Variants in P2RX7 observed in about 807,000 individuals in gnomAD.
The protein encoded by P2RX7 is P2X purinoceptor 7.
A neutral mutation model predicts 71.6 loss-of-function variants in P2RX7; 62 were observed. That is an observed-to-expected ratio of 0.87 (90% CI 0.71 to 1.07). The LOEUF is 1.07. P2RX7 is among the 50% of genes least tolerant of loss of function. P2RX7 has a pLI of 0.00. For synonymous variants in P2RX7, 299 were observed against 283.3 expected (o/e 1.06, Z -0.56); for missense variants, 686 against 748.5 (o/e 0.92, Z 0.97).
Position 121,154,447 on chromosome 12 carries a change from C to T in P2RX7, c.126-338C>T, listed in dbSNP as rs551257611. Among the ~76,000 whole-genome samples the T allele has an allele frequency of 5.3e-5, 8 of 152,172 alleles. No homozygotes were observed. The highest frequency in any genetic ancestry group is 4.2e-4 in the South Asian group (2 of 4,818). On this transcript the variant is annotated intron_variant, in intron 1 of 12. Transcript: ENST00000328963. This position sits in a 1 kb window ranked among gnomAD's most constrained non-coding sequence, Gnocchi z 4.2. ...GACAAAGCTGGCGAACCCACCGGGG[C>T]GAGACTTTATGACTTGAGAAGCTGT...
chr12:121,152,571 G>A (rs1414642459), intron 1 of P2RX7, among the ~76,000 whole-genome samples: 3 of 152,182 alleles, frequency 2.0e-5, no homozygotes, highest in African/African-American at 7.2e-5. Flanking sequence ...CCAGGCTGGA[G>A]TGCAGTGGCG....
At position 121,184,351 on chromosome 12, in the gene P2RX7, T is replaced by C. The variant is rs753919667; in HGVS notation, c.1337T>C (p.Leu446Pro). ...GATTTGTCCAGGCTGCCCCTGGCCCTCCATGACACACCCCCGATTCCTGGA... is the reference window on the plus strand; with the variant it reads ...GATTTGTCCAGGCTGCCCCTGGCCCCCCATGACACACCCCCGATTCCTGGA... The part of the protein sequence containing the change: ...FTDLSRLPLA[L>P]HDTPPIPGQP... Residue 446 changes from leucine to proline, a missense_variant, in exon 13 of 13, where the codon CTC (leucine) becomes CCC (proline). Coordinates refer to ENST00000328963, the MANE Select transcript of P2RX7 (RefSeq NM_002562.6). 6.2e-7 allele frequency: 1 copy of C among 1,613,960 alleles called. No individual in the cohort carries two copies. The highest frequency in any genetic ancestry group is 8.5e-7 in the Non-Finnish European group (1 of 1,179,974).
intron 1 of P2RX7, among the ~76,000 whole-genome samples, chr12:121,153,721 C>T (rs547077746): frequency 2.0e-5 from 3 of 152,106 alleles, no homozygotes; most frequent in African/African-American, 7.2e-5. Context: ...GGTGCGGTGG[C>T]GCATGCCGGT....
At chr12:121,152,086 T>C (rs537905371) in intron 1 of P2RX7, among the ~76,000 whole-genome samples, 6 of 151,708 alleles carry the variant, frequency 4.0e-5, no homozygotes, top group Non-Finnish European at 2.9e-5. Context: ...TTCAAAGGAT[T>C]CTCCTGCCTC....
intron 2 of P2RX7, 152 bp downstream of exon 2, chr12:121,155,105 A>C: frequency 6.8e-7 from 1 of 1,479,920 alleles, no homozygotes; most frequent in Non-Finnish European, 9.0e-7. Context: ...AAACCTAAAA[A>C]TTGCAAAACT....
At chr12:121,153,868 G>T (rs1878009961) in intron 1 of P2RX7, among the ~76,000 whole-genome samples, 2 of 152,106 alleles carry the variant, frequency 1.3e-5, no homozygotes, top group African/African-American at 4.8e-5. Context: ...ACCACAACAT[G>T]TTGGGAGGCT....
Position 121,150,949 on chromosome 12 carries a change from A to G in P2RX7, c.126-3836A>G, listed in dbSNP as rs190833971. Among the ~76,000 whole-genome samples the G allele has an allele frequency of 4.6e-3, 700 of 152,332 alleles. 11 individuals carry two copies. Among genetic ancestry groups the G allele is most frequent in the Middle Eastern group, 6.8e-3 (2 of 294 alleles). On this transcript the variant is annotated intron_variant, in intron 1 of 12. Coordinates refer to ENST00000328963, the MANE Select transcript of P2RX7 (RefSeq NM_002562.6). ...AAATGTTATAGAAATACTAAAGTGT[A>G]TTGTGCATAATATAACACCCACGTA...
In P2RX7 at chr12:121,177,362, T is replaced by C. The variant is rs1222187247; in HGVS notation, c.1104T>C (p.Tyr368=). ...GTAACTGCTGTCGCTCCCATATTTA[T>C]CCCTGGTGCAAGTGCTGTCAGCCCT... ...YSSNCCRSHI[Y]PWCKCCQPCV... is the part of the protein sequence containing the mutation. The change falls in exon 11 of 13, where the codon TAT becomes TAC. Residue 368 remains tyrosine, a synonymous_variant. Transcript: ENST00000328963. 3 of 1,614,002 alleles carry C rather than the reference T, an allele frequency of 1.9e-6. No homozygotes were observed. The highest frequency in any genetic ancestry group is 1.7e-6 in the Non-Finnish European group (2 of 1,180,026).
In P2RX7 at chr12:121,174,403, C is replaced by T. The variant is rs561122685; in HGVS notation, c.882-985C>T. On this transcript the variant is annotated intron_variant, in intron 8 of 12. Coordinates refer to ENST00000328963, the MANE Select transcript of P2RX7 (RefSeq NM_002562.6). ...GTAGTGGTGCACGCTTGTAGTCCCA[C>T]CCAGCTACTTGGGAGGCTGAGGTGG... Among the ~76,000 whole-genome samples the T allele has an allele frequency of 8.5e-5, 13 of 152,206 alleles. No homozygotes were observed. The South Asian group carries it at 2.7e-3, about 32-fold the overall frequency.
chr12:121,180,533 CA>C, intron 12 of P2RX7, 78 bp downstream of exon 12: 3 of 646,476 alleles, frequency 4.6e-6, no homozygotes, highest in Non-Finnish European at 7.9e-6. Context: ...GAAACTTGTA[CA>C]AATCAAAACT....
intron 9 of P2RX7, 132 bp from the exon 10 acceptor site, chr12:121,177,014 GC>G: frequency 1.4e-6 from 1 of 731,892 alleles, no homozygotes; most frequent in Non-Finnish European, 2.4e-6. Flanking sequence ...CTCTGCCTCA[GC>G]CAGCACTTGA....
chr12:121,158,744 T>C (rs545804361), intron 3 of P2RX7, among the ~76,000 whole-genome samples: 3 of 151,856 alleles, frequency 2.0e-5, no homozygotes, highest in Non-Finnish European at 4.4e-5. Flanking sequence ...AAAAAAAAAA[T>C]TAGAATTCCT....
chr12:121,162,392 T>C, intron 4 of P2RX7, 32 bp from the exon 5 acceptor site: 1 of 1,612,926 alleles, frequency 6.2e-7, no homozygotes, highest in Non-Finnish European at 8.5e-7. Flanking sequence ...TTCTTTCACA[T>C]CTGTGGTTCT....
At chr12:121,170,561 G>A (rs1470322322) in intron 8 of P2RX7, among the ~76,000 whole-genome samples, 2 of 152,168 alleles carry the variant, frequency 1.3e-5, no homozygotes, top group Non-Finnish European at 2.9e-5. Context: ...GATCACCTGA[G>A]GTCAGGAGTT....
At chr12:121,147,632 T>G (rs150979509) in intron 1 of P2RX7, among the ~76,000 whole-genome samples, 1 of 152,204 alleles carries the variant, frequency 6.6e-6, no homozygotes, top group Non-Finnish European at 1.5e-5. Context: ...TTGTTTGTCT[T>G]GAGACAGTCT....
At chr12:121,176,731 A>C (rs2567985) in intron 9 of P2RX7, among the ~76,000 whole-genome samples, 2 of 146,182 alleles carry the variant, frequency 1.4e-5, no homozygotes, top group Non-Finnish European at 3.0e-5. Flanking sequence ...CAGCCTGGGC[A>C]AGAGTGCGAG....
intron 7 of P2RX7, among the ~76,000 whole-genome samples, 161 bp from the exon 8 acceptor site, chr12:121,167,327 C>T (rs1881287811): frequency 6.6e-6 from 1 of 152,002 alleles, no homozygotes; most frequent in South Asian, 2.1e-4. Context: ...GTGGCTGCCA[C>T]AATAACACTT....
chr12:121,183,609 AC>A (rs1884505340), intron 12 of P2RX7, among the ~76,000 whole-genome samples: 2 of 151,816 alleles, frequency 1.3e-5, no homozygotes, highest in African/African-American at 2.4e-5. Context: ...ACACACACAC[AC>A]ACAAAAACCA....
At chr12:121,178,412 C>T (rs1396540270) in intron 11 of P2RX7, among the ~76,000 whole-genome samples, 1 of 152,194 alleles carries the variant, frequency 6.6e-6, no homozygotes, top group African/African-American at 2.4e-5. Context: ...TATCTATTAA[C>T]TCAATCTTCA....
Sources: allele counts gnomAD v4.1 joint callset (sites outside exome capture counted in the v4.1 genomes callset), GRCh38; gene constraint gnomAD v4.1.1; non-coding constraint Gnocchi (gnomAD v3.1); transcripts MANE v1.5; gene names NCBI Gene and HGNC (gene_info 2026-07-23, HGNC 2026-07-21).